SYCP1: variants seen among roughly 807,000 people sequenced by gnomAD.
The protein encoded by SYCP1 is synaptonemal complex protein 1.
SYCP1 carries 64 observed loss-of-function variants against 153.1 expected under a neutral mutation model. That is an observed-to-expected ratio of 0.42 (90% CI 0.34 to 0.51). The LOEUF (loss-of-function observed/expected upper bound fraction) is 0.51. Among genes scored for constraint, SYCP1 ranks in the 20% least tolerant of loss-of-function variants. The pLI, the probability that SYCP1 is intolerant of heterozygous loss-of-function variation, is 0.06. For missense variants in SYCP1, 997 were observed against 1,049.0 expected (o/e 0.95, Z 0.68); for synonymous variants, 384 against 341.8 (o/e 1.12, Z -1.36).
intron 12 of SYCP1, among the ~76,000 whole-genome samples, chr1:114,878,932 A>G (rs911296623): frequency 1.3e-5 from 2 of 152,210 alleles, no homozygotes; most frequent in Non-Finnish European, 2.9e-5. Context: ...GAAAGGCATT[A>G]GGGAAAAACT....
At chr1:114,879,775 A>G (rs571832269) in intron 12 of SYCP1, among the ~76,000 whole-genome samples, 24 of 152,302 alleles carry the variant, frequency 1.6e-4, no homozygotes, top group South Asian at 1.2e-3. Flanking sequence ...ATTGTTTTCC[A>G]TAAGTATGTA....
At chr1:114,879,573 T>A (rs1292245967) in intron 12 of SYCP1, among the ~76,000 whole-genome samples, 1 of 152,164 alleles carries the variant, frequency 6.6e-6, no homozygotes, top group African/African-American at 2.4e-5. Flanking sequence ...TGAGGAGGGA[T>A]TGGGTCTTAA....
chr1:114,858,293 A>T (rs1438145358), intron 5 of SYCP1, among the ~76,000 whole-genome samples: 1 of 152,142 alleles, frequency 6.6e-6, no homozygotes, highest in Non-Finnish European at 1.5e-5. Context: ...GTCACTAACT[A>T]AAATATTTTT....
Position 114,855,453 on chromosome 1 carries a change from G to A in SYCP1, c.-12G>A, listed in dbSNP as rs1403089987. On this transcript the variant is annotated 5_prime_UTR_variant, in exon 2 of 32. Transcript: ENST00000369522. ...CCCGGGGCAGTAGATATTTACAACC[G>A]TAACAGAGAAAATGGAAAAGCAAAA... 16 of 1,602,966 alleles carry A rather than the reference G, an allele frequency of 1.0e-5. No homozygotes were observed. The East Asian group carries it at 1.6e-4, about 16-fold the overall frequency.
chr1:114,918,096 T>G (rs1668628108), intron 20 of SYCP1, among the ~76,000 whole-genome samples: 1 of 152,160 alleles, frequency 6.6e-6, no homozygotes, highest in Non-Finnish European at 1.5e-5. Flanking sequence ...GACGGTTTCT[T>G]TTAGTAATTT....
At chr1:114,869,853 G>A (rs1164280262) in intron 8 of SYCP1, among the ~76,000 whole-genome samples, 1 of 152,156 alleles carries the variant, frequency 6.6e-6, no homozygotes, top group South Asian at 2.1e-4. Flanking sequence ...ATTTCTGATA[G>A]AGATGTTGAA....
chr1:114,937,141 A>G (rs1420468774), intron 23 of SYCP1, among the ~76,000 whole-genome samples: 1 of 152,196 alleles, frequency 6.6e-6, no homozygotes, highest in Non-Finnish European at 1.5e-5. Context: ...CTGACTTCAA[A>G]CTATACTACA....
At chr1:114,913,952 T>C (rs1264121027) in intron 19 of SYCP1, 23 bp from the exon 20 acceptor site, 10 of 1,472,724 alleles carry the variant, frequency 6.8e-6, no homozygotes, top group African/African-American at 1.4e-5. Context: ...AAATAATTGA[T>C]ATAAACAACA....
intron 28 of SYCP1, among the ~76,000 whole-genome samples, chr1:114,980,239 T>A (rs1368731818): frequency 6.6e-6 from 1 of 151,908 alleles, no homozygotes; most frequent in African/African-American, 2.4e-5. Context: ...TTCGTGGAGA[T>A]GGTGGTGACC....
chr1:114,977,536 C>T, intron 27 of SYCP1, 21 bp from the exon 28 acceptor site: 1 of 1,334,500 alleles, frequency 7.5e-7, no homozygotes, highest in South Asian at 1.5e-5. Flanking sequence ...GTTACTTGTA[C>T]TTGATATTTA....
At chr1:114,880,677 C>G (rs149790140) in intron 12 of SYCP1, among the ~76,000 whole-genome samples, 5 of 152,178 alleles carry the variant, frequency 3.3e-5, no homozygotes, top group South Asian at 4.1e-4. Context: ...AAGACAGCAT[C>G]TTAGTCTTTT....
chr1:114,871,777 A>T (rs1286920236), intron 8 of SYCP1, among the ~76,000 whole-genome samples: 1 of 150,304 alleles, frequency 6.7e-6, no homozygotes, highest in Non-Finnish European at 1.5e-5. Context: ...GTAGAGATGG[A>T]TTTTCGCCAT....
At chr1:114,876,361 AATTTT>A (rs1305698646) in intron 10 of SYCP1, among the ~76,000 whole-genome samples, 4 of 151,714 alleles carry the variant, frequency 2.6e-5, no homozygotes, top group Non-Finnish European at 5.9e-5. Flanking sequence ...AAATCAAACT[AATTTT>A]ATTTTTTTTT....
intron 25 of SYCP1, 82 bp downstream of exon 25, chr1:114,945,064 T>G (rs1670623030): frequency 9.9e-7 from 1 of 1,012,896 alleles, no homozygotes. Context: ...AAGATAGTAT[T>G]CTTATTTGTC....
At position 114,856,608 on chromosome 1, in the gene SYCP1, T is replaced by G; in HGVS notation, c.144T>G (p.Phe48Leu). 1 of 1,612,068 alleles carries G rather than the reference T, an allele frequency of 6.2e-7. No individual in the cohort carries two copies. The highest frequency in any genetic ancestry group is 8.5e-7 in the Non-Finnish European group (1 of 1,179,260). ...AATGTACTGAAGATGATTTTGAGTT[T>G]CCATTTGCAAAGACTAATCTCTCCA... ...FNKCTEDDFEFPFAKTNLSKN... is the reference protein window; with the variant it reads ...FNKCTEDDFELPFAKTNLSKN... Residue 48 changes from phenylalanine (F) to leucine (L), a missense_variant, in exon 3 of 32, where the codon TTT becomes TTG. Phe to Leu is a conservative substitution (Grantham distance 22). Coordinates refer to ENST00000369522, the MANE Select transcript of SYCP1 (RefSeq NM_003176.4).
At chr1:114,955,477 A>T (rs543363584) in intron 27 of SYCP1, among the ~76,000 whole-genome samples, 213 of 152,152 alleles carry the variant, frequency 1.4e-3, no homozygotes, top group Non-Finnish European at 2.5e-3. Flanking sequence ...ATTGGTGTTA[A>T]TTTTTCTTTC....
At chr1:114,895,003 T>C (rs1409450916) in intron 15 of SYCP1, among the ~76,000 whole-genome samples, 4 of 151,280 alleles carry the variant, frequency 2.6e-5, no homozygotes, top group Non-Finnish European at 5.9e-5. Context: ...TGTATATTGG[T>C]AGCGTAAGGG....
chr1:114,992,790 A>T (rs1674014778), intron 30 of SYCP1, among the ~76,000 whole-genome samples: 1 of 151,626 alleles, frequency 6.6e-6, no homozygotes, highest in African/African-American at 2.4e-5. Flanking sequence ...ATTGGACTGC[A>T]TCAAAATTAA....
chr1:114,885,165 T>TTTTTTATTCTATGTTTATTCTATTGGATA (rs1457123285), intron 12 of SYCP1, among the ~76,000 whole-genome samples: 10 of 152,138 alleles, frequency 6.6e-5, no homozygotes, highest in African/African-American at 2.4e-4. Context: ...TTATTCTATG[T>TTTTTTATTCTATGTTTATTCTATTGGATA]TTTATGAATA....
Sources: gnomAD v4.1 joint callset for allele counts (sites outside exome capture counted in the v4.1 genomes callset) on GRCh38, gnomAD v4.1.1 for gene constraint, MANE v1.5 for transcripts, NCBI Gene and HGNC (gene_info 2026-07-23, HGNC 2026-07-21) for gene names.